Variants in TASOR2 observed in about 807,000 individuals in gnomAD.
The protein encoded by TASOR2 is protein TASOR 2.
TASOR2 carries 84 observed loss-of-function variants against 199.5 expected under a neutral mutation model. That is an observed-to-expected ratio of 0.42 (90% CI 0.35 to 0.50). The LOEUF is 0.50. TASOR2 is among the 20% of genes least tolerant of loss of function. The pLI is 0.02. For missense variants in TASOR2, 2,796 were observed against 2,835.9 expected, an observed-to-expected ratio of 0.99 and a Z score of 0.32; for synonymous variants, 1,103 against 1,046.6, an observed-to-expected ratio of 1.05 and a Z score of -1.04.
chr10:5,732,230 A>G (rs566615568), intron 11 of TASOR2, among the ~76,000 whole-genome samples: 15 of 152,338 alleles, frequency 9.8e-5, no homozygotes, highest in African/African-American at 3.1e-4. Flanking sequence ...GTTTTACTCT[A>G]TTTTCTCTAA....
chr10:5,685,216 G>A lies in TASOR2; in HGVS notation c.-288+41G>A, dbSNP rs1301253562. On this transcript the variant is annotated intron_variant, in intron 1 of 20. Coordinates refer to ENST00000328090, the Ensembl canonical transcript of TASOR2. This position sits in a 1 kb window ranked among gnomAD's most constrained non-coding sequence, Gnocchi z 5.4. ...GCCTGGGCGCCCGGGAACCCTGCGA[G>A]GAGGACGGCGGGTCCCCGAGGCCGA... is the stretch of plus-strand genomic sequence containing the variant. 3.3e-5 allele frequency: 13 copies of A among 397,708 alleles called. No individual in the cohort carries two copies. Among genetic ancestry groups the A allele is most frequent in the South Asian group, 2.5e-4 (2 of 7,848 alleles). The allele number at this position is 397,708 out of a possible 1,614,324, so 24.6% of individuals were successfully genotyped here. A position where few individuals can be genotyped will look rare whatever the true frequency, so the allele number is the denominator to read the frequency against.
intron 15 of TASOR2, among the ~76,000 whole-genome samples, chr10:5,753,749 A>G (rs181175299): frequency 1.3e-5 from 2 of 152,272 alleles, no homozygotes; most frequent in African/African-American, 4.8e-5. Flanking sequence ...CATTTCGGTA[A>G]GCAGCACTGT....
At position 5,720,830 on chromosome 10, in the gene TASOR2, A is replaced by G. The variant is rs1833265475; in HGVS notation, c.47-41A>G. On this transcript the variant is annotated intron_variant, in intron 5 of 20. Transcript: ENST00000328090. This position sits in a 1 kb window ranked among gnomAD's most constrained non-coding sequence, Gnocchi z 5.3. The stretch of plus-strand genomic sequence containing the variant: ...TTTTTTTTTCTTGAGTAAATGTTTC[A>G]TCATAAATAATCAGTTTCTTTTTTA... 5.0e-6 allele frequency: 8 copies of G among 1,591,704 alleles called. No individual in the cohort carries two copies. Among genetic ancestry groups the G allele is most frequent in the Non-Finnish European group, 6.8e-6 (8 of 1,173,352 alleles).
In TASOR2 at chr10:5,701,471, G is replaced by A. The variant is rs1257561708; in HGVS notation, c.-287-11352G>A. 6.6e-6 allele frequency among the ~76,000 whole-genome samples: 1 copy of A among 152,036 alleles called. No homozygotes were observed. Among genetic ancestry groups the A allele is most frequent in the Non-Finnish European group, 1.5e-5 (1 of 67,986 alleles). ...TTTTGTGGTTCCATATACATTTTAG[G>A]ATTTGTTTTCTATTTCTGTGAAGAA... On this transcript the variant is annotated intron_variant, in intron 1 of 20. Transcript: ENST00000328090. This position sits in a 1 kb window ranked among gnomAD's most constrained non-coding sequence, Gnocchi z 4.9.
rs1831636941 is a variant in TASOR2, at chr10:5,709,459, T to C, written c.-287-3364T>C. On this transcript the variant is annotated intron_variant, in intron 1 of 20. Coordinates refer to ENST00000328090, the Ensembl canonical transcript of TASOR2. Reference sequence around the variant, plus strand: ...CCTAATACAAATTACTCAGCGAACATTTGTTTCTATAGTAAATATGCTATA... The same window carrying C: ...CCTAATACAAATTACTCAGCGAACACTTGTTTCTATAGTAAATATGCTATA... The C allele has an allele frequency of 1.3e-5, 13 of 1,017,876 alleles. No homozygotes were observed. In the East Asian group the frequency reaches 4.3e-4, roughly 34 times the overall value. 63.1% of individuals were successfully genotyped at this position (1,017,876 alleles called of 1,614,324 possible). A position where few individuals can be genotyped will look rare whatever the true frequency, so the allele number is the denominator to read the frequency against.
At chr10:5,696,174 T>TA (rs1837123933) in intron 1 of TASOR2, among the ~76,000 whole-genome samples, 1 of 152,190 alleles carries the variant, frequency 6.6e-6, no homozygotes, top group Non-Finnish European at 1.5e-5. Context: ...CTATCAGGCT[T>TA]ACGTGCCCCT....
At chr10:5,753,756 C>G (rs941472795) in intron 15 of TASOR2, among the ~76,000 whole-genome samples, 4 of 152,186 alleles carry the variant, frequency 2.6e-5, no homozygotes, top group African/African-American at 9.7e-5. Flanking sequence ...GTAAGCAGCA[C>G]TGTAGTTGAA....
intron 3 of TASOR2, among the ~76,000 whole-genome samples, chr10:5,718,916 T>G (rs1427558854): frequency 6.6e-6 from 1 of 152,202 alleles, no homozygotes; most frequent in African/African-American, 2.4e-5. Flanking sequence ...TTTACTTAGA[T>G]TATGCCTCAG....
At chr10:5,760,324 A>C (rs923782121) in intron 18 of TASOR2, among the ~76,000 whole-genome samples, 4 of 152,288 alleles carry the variant, frequency 2.6e-5, no homozygotes, top group African/African-American at 9.6e-5. Flanking sequence ...ACATGCCCGT[A>C]CTCACTGCTG....
At chr10:5,747,529 A>G in exon 15 of TASOR2, 1 of 1,614,170 alleles carries the variant, frequency 6.2e-7, no homozygotes, top group Non-Finnish European at 8.5e-7. Context: ...AGTTACTTTA[A>G]TACTTTCTAA....
intron 1 of TASOR2, among the ~76,000 whole-genome samples, chr10:5,708,216 A>C (rs1023636712): frequency 3.9e-5 from 6 of 151,934 alleles, no homozygotes; most frequent in African/African-American, 1.2e-4. Context: ...TCCCTTAATC[A>C]GTCATATTAA....
chr10:5,689,270 T>A lies in TASOR2; in HGVS notation c.-288+4095T>A, dbSNP rs1333419006. 6.6e-6 allele frequency among the ~76,000 whole-genome samples: 1 copy of A among 152,236 alleles called. No individual in the cohort carries two copies. Among genetic ancestry groups the A allele is most frequent in the African/African-American group, 2.4e-5 (1 of 41,458 alleles). On this transcript the variant is annotated intron_variant, in intron 1 of 20. Transcript: ENST00000328090. The surrounding 1 kb of genome is among the most constrained non-coding windows in gnomAD (Gnocchi z 4.1). ...TGTTTTTTGTGGGTTCTTTTGTTGT[T>A]TGTTTTGATCTTTAGCTTTTTGCTG... is the stretch of plus-strand genomic sequence containing the variant.
chr10:5,762,969 T>C (rs544146722), intron 20 of TASOR2, 60 bp from the exon 22 acceptor site: 34 of 1,536,766 alleles, frequency 2.2e-5, no homozygotes, highest in Non-Finnish European at 2.9e-5. Context: ...ATCCCGCTTA[T>C]AAAATATTTC....
chr10:5,745,268 T>C (rs1407411491), intron 14 of TASOR2, among the ~76,000 whole-genome samples: 1 of 76,366 alleles, frequency 1.3e-5, no homozygotes, highest in Non-Finnish European at 2.6e-5. Flanking sequence ...AAGTTTTCAA[T>C]TGCCATGTAC....
chr10:5,740,206 C>T lies in TASOR2; in HGVS notation c.2036C>T (p.Pro679Leu). ...AGAGAGATACTAAGCCCTCTGTTTC[C>T]CAGGAATGGGACAAAAAGCCCTGAA... The change falls in exon 13 of 21, where the codon CCC (proline) becomes CTC (leucine). Residue 679 changes from proline to leucine, a missense_variant. Around this residue, in one of 3 missense-constraint regions of TASOR2, gnomAD observed 847 missense variants for 887.4 expected, o/e 0.95. Transcript: ENST00000328090. The surrounding 1 kb of genome is among the most constrained non-coding windows in gnomAD (Gnocchi z 5.3). The T allele has an allele frequency of 6.2e-7, 1 of 1,614,182 alleles. No individual in the cohort carries two copies. Among genetic ancestry groups the T allele is most frequent in the Non-Finnish European group, 8.5e-7 (1 of 1,180,044 alleles).
rs367594719 is a variant in TASOR2 at position 5,739,943 on chromosome 10, A to G, written c.1773A>G (p.Gln591=). ...AATATCATAGAGGAGTTAAAACTCA[A>G]AAAGGTGAATTACTACCTAACCCAT... The change falls in exon 13 of 21, where the codon CAA becomes CAG. Residue 591 remains glutamine, a synonymous_variant. Coordinates refer to ENST00000328090, the Ensembl canonical transcript of TASOR2. The G allele has an allele frequency of 5.9e-5, 96 of 1,614,156 alleles. No individual in the cohort carries two copies. In the Middle Eastern group the frequency reaches 9.9e-4, roughly 17 times the overall value.
chr10:5,715,923 G>A (rs1488057472), intron 2 of TASOR2, among the ~76,000 whole-genome samples: 1 of 152,182 alleles, frequency 6.6e-6, no homozygotes, highest in East Asian at 1.9e-4. Flanking sequence ...TTACAGGTGT[G>A]AGCTACCCTG....
At chr10:5,727,757 C>T (rs1328597627) in intron 10 of TASOR2, among the ~76,000 whole-genome samples, 1 of 152,116 alleles carries the variant, frequency 6.6e-6, no homozygotes, top group African/African-American at 2.4e-5. Context: ...TCTTTGTTCC[C>T]GTCAACACTC....
At position 5,698,850 on chromosome 10, in the gene TASOR2, G is replaced by C. The variant is rs2131512366; in HGVS notation, c.-288+13675G>C. Among the ~76,000 whole-genome samples, 1 of 152,264 alleles carries C rather than the reference G, an allele frequency of 6.6e-6. No homozygotes were observed. The highest frequency in any genetic ancestry group is 2.1e-4 in the South Asian group (1 of 4,830). On this transcript the variant is annotated intron_variant, in intron 1 of 20. Transcript: ENST00000328090. This position sits in a 1 kb window ranked among gnomAD's most constrained non-coding sequence, Gnocchi z 4.4. Reference sequence around the variant, plus strand: ...TAATAACAAGTGTTGGTAATGCTGTGAAAAAATTGGAACCTTCTGTATACT... The same window carrying C: ...TAATAACAAGTGTTGGTAATGCTGTCAAAAAATTGGAACCTTCTGTATACT...
Sources: gnomAD v4.1 joint callset for allele counts (sites outside exome capture counted in the v4.1 genomes callset) on GRCh38, gnomAD v4.1.1 for gene constraint, gnomAD v4.1.1 regional missense constraint, Gnocchi (gnomAD v3.1) non-coding constraint, MANE v1.5 for transcripts, NCBI Gene and HGNC (gene_info 2026-07-23, HGNC 2026-07-21) for gene names.